ZFYVE9: variants seen among roughly 807,000 people sequenced by gnomAD.
ZFYVE9 encodes the protein zinc finger FYVE domain-containing protein 9.
A neutral mutation model predicts 126.7 loss-of-function variants in ZFYVE9; 43 were observed. The ratio of observed to expected loss-of-function variants is 0.34; its 90% confidence interval spans 0.27 to 0.44. ZFYVE9 has a LOEUF of 0.44. Among genes scored for constraint, ZFYVE9 ranks in the 20% least tolerant of loss-of-function variants. ZFYVE9 has a pLI of 1.00. For missense variants in ZFYVE9, 1,476 were observed against 1,697.0 expected, an observed-to-expected ratio of 0.87 and a Z score of 2.29; for synonymous variants, 521 against 597.4, an observed-to-expected ratio of 0.87 and a Z score of 1.87.
intron 3 of ZFYVE9, among the ~76,000 whole-genome samples, chr1:52,236,894 C>T (rs1572123507): frequency 6.6e-6 from 1 of 152,096 alleles, no homozygotes; most frequent in East Asian, 1.9e-4. Context: ...CATATGCTGC[C>T]ATTTTGTTTC....
At chr1:52,262,455 G>A (rs1645588671) in intron 4 of ZFYVE9, among the ~76,000 whole-genome samples, 2 of 152,122 alleles carry the variant, frequency 1.3e-5, no homozygotes, top group Admixed American at 1.3e-4. Context: ...AGTTTCTTCT[G>A]ATAGAAAATA....
At chr1:52,323,789 C>T (rs1646263706) in intron 13 of ZFYVE9, among the ~76,000 whole-genome samples, 1 of 151,908 alleles carries the variant, frequency 6.6e-6, no homozygotes, top group South Asian at 2.1e-4. Context: ...GCAGCACATG[C>T]CTATAATCCC....
intron 4 of ZFYVE9, among the ~76,000 whole-genome samples, chr1:52,247,961 C>T (rs552336578): frequency 1.4e-4 from 21 of 152,060 alleles, no homozygotes; most frequent in South Asian, 1.0e-3. Flanking sequence ...TCATCCATGT[C>T]GTAGCATGTA....
At chr1:52,163,109 A>G (rs1029073341) in intron 1 of ZFYVE9, 1 of 212,330 alleles carries the variant, frequency 4.7e-6, no homozygotes, top group Non-Finnish European at 8.7e-6. Flanking sequence ...CCCAATTCAA[A>G]CAATTCAAAA....
chr1:52,143,995 G>T (rs1171988880), intron 1 of ZFYVE9, among the ~76,000 whole-genome samples: 1 of 152,154 alleles, frequency 6.6e-6, no homozygotes, highest in African/African-American at 2.4e-5. Flanking sequence ...AAAGTGTGAT[G>T]GCTAGGCCTA....
intron 17 of ZFYVE9, 104 bp downstream of exon 17, chr1:52,340,335 C>A: frequency 1.3e-6 from 1 of 799,344 alleles, no homozygotes; most frequent in Non-Finnish European, 2.1e-6. Flanking sequence ...AAAAAAATAT[C>A]TCTGAGAAAA....
intron 2 of ZFYVE9, 99 bp from the exon 3 acceptor site, chr1:52,233,072 T>C (rs1001076276): frequency 1.2e-5 from 5 of 427,854 alleles, no homozygotes; most frequent in Admixed American, 4.7e-5. Context: ...TTTACCATTA[T>C]CTGGAAAGAT....
intron 4 of ZFYVE9, among the ~76,000 whole-genome samples, chr1:52,248,891 A>C (rs1045670990): frequency 6.6e-6 from 1 of 152,194 alleles, no homozygotes; most frequent in Admixed American, 6.5e-5. Flanking sequence ...TCAACAATTC[A>C]CAAGAGCTCC....
intron 1 of ZFYVE9, among the ~76,000 whole-genome samples, chr1:52,198,125 T>TTTTG (rs1553123738): frequency 8.2e-6 from 1 of 121,988 alleles, no homozygotes; most frequent in Non-Finnish European, 1.7e-5. Context: ...TTTTTGTTTG[T>TTTTG]TTTTTTTTTT....
At chr1:52,167,133 C>T (rs958491830) in intron 1 of ZFYVE9, among the ~76,000 whole-genome samples, 4 of 152,110 alleles carry the variant, frequency 2.6e-5, no homozygotes, top group Admixed American at 6.5e-5. Context: ...AGAACTCTGC[C>T]ATTGTCAGGA....
At chr1:52,339,171 G>A (rs940964974) in intron 16 of ZFYVE9, among the ~76,000 whole-genome samples, 2 of 152,196 alleles carry the variant, frequency 1.3e-5, no homozygotes, top group African/African-American at 4.8e-5. Flanking sequence ...ATCAGAAGTG[G>A]CCTTTTTGTT....
chr1:52,247,712 G>T (rs978192915), intron 4 of ZFYVE9, among the ~76,000 whole-genome samples: 2 of 152,182 alleles, frequency 1.3e-5, no homozygotes, highest in South Asian at 4.1e-4. Flanking sequence ...AGTCAGGCTG[G>T]TCTCAAACTC....
At position 52,219,749 on chromosome 1, in the gene ZFYVE9, T is replaced by TTGTGTGTGTG. The variant is rs56340178; in HGVS notation, c.-37+3320_-37+3329dup. On this transcript the variant is annotated intron_variant, in intron 2 of 18. Coordinates refer to ENST00000287727, the MANE Select transcript of ZFYVE9 (RefSeq NM_004799.4). ...ATAGAGCATTTCAGGCCAAGATCTT[T>TTGTGTGTGTG]TGTGTGTGTGTGTGTGTGTGTGTGT... Among the ~76,000 whole-genome samples, 834 of 113,332 alleles carry TTGTGTGTGTG rather than the reference T, an allele frequency of 7.4e-3. 7 individuals carry two copies. The highest frequency in any genetic ancestry group is 0.011 in the African/African-American group (332 of 29,032). The allele number at this position is 113,332 out of a possible 152,430, so 74.4% of individuals were successfully genotyped here. A position where few individuals can be genotyped will look rare whatever the true frequency, so the allele number is the denominator to read the frequency against.
chr1:52,285,930 G>A (rs1373653494), intron 10 of ZFYVE9, among the ~76,000 whole-genome samples: 1 of 152,094 alleles, frequency 6.6e-6, no homozygotes, highest in Non-Finnish European at 1.5e-5. Flanking sequence ...CAAGCCGGGT[G>A]GATCACCTTA....
chr1:52,309,484 C>T (rs940634176), intron 13 of ZFYVE9, among the ~76,000 whole-genome samples: 1 of 151,678 alleles, frequency 6.6e-6, no homozygotes, highest in African/African-American at 2.4e-5. Context: ...GTCTCAAAAA[C>T]AAAAACAAAA....
At chr1:52,206,373 G>A (rs1221642611) in intron 1 of ZFYVE9, among the ~76,000 whole-genome samples, 1 of 152,142 alleles carries the variant, frequency 6.6e-6, no homozygotes, top group African/African-American at 2.4e-5. Flanking sequence ...AATTCTGTTG[G>A]CAAAGATAAT....
intron 4 of ZFYVE9, among the ~76,000 whole-genome samples, chr1:52,247,786 T>G (rs1645402922): frequency 1.3e-5 from 2 of 152,160 alleles, no homozygotes; most frequent in African/African-American, 4.8e-5. Flanking sequence ...TGTGAGCCAC[T>G]GTGCCTGGCC....
Position 52,274,548 on chromosome 1 carries a change from C to T in ZFYVE9, c.2710C>T (p.Leu904Phe), listed in dbSNP as rs1294598739. 6.2e-7 allele frequency: 1 copy of T among 1,612,664 alleles called. No individual in the cohort carries two copies. The highest frequency in any genetic ancestry group is 8.5e-7 in the Non-Finnish European group (1 of 1,179,088). The change falls in exon 8 of 19, where the codon CTT (leucine) becomes TTT (phenylalanine). Residue 904 changes from leucine (L) to phenylalanine (F), a missense_variant. Transcript: ENST00000287727. The stretch of plus-strand genomic sequence containing the variant: ...AATGAATCTTATTCCTGAAGATGGC[C>T]TTCCTCCCATTCTCATCTCCACTGG... Reference protein sequence around the residue: ...SAMNLIPEDGLPPILISTGVK... With the variant: ...SAMNLIPEDGFPPILISTGVK...
intron 5 of ZFYVE9, among the ~76,000 whole-genome samples, chr1:52,264,978 A>G (rs867887720): frequency 2.0e-5 from 3 of 152,322 alleles, no homozygotes; most frequent in African/African-American, 4.8e-5. Context: ...TTTCGGGCAC[A>G]TATTCACAGA....
Sources: allele counts gnomAD v4.1 joint callset (sites outside exome capture counted in the v4.1 genomes callset), GRCh38; gene constraint gnomAD v4.1.1; transcripts MANE v1.5; gene names NCBI Gene and HGNC (gene_info 2026-07-23, HGNC 2026-07-21).